Variants in STK32B observed in about 807,000 individuals in gnomAD.
STK32B encodes serine/threonine-protein kinase 32B.
In STK32B, 43 loss-of-function variants were observed where a neutral mutation model predicts 52.6. The ratio of observed to expected loss-of-function variants is 0.82; its 90% CI spans 0.64 to 1.05. STK32B has a LOEUF of 1.05. STK32B is among the 50% of genes least tolerant of loss of function. The pLI, the probability that STK32B is intolerant of heterozygous loss-of-function variation, is 0.00. For missense variants in STK32B, 621 were observed against 534.6 expected (o/e 1.16, Z -1.59); for synonymous variants, 238 against 204.3 (o/e 1.17, Z -1.41).
chr4:5,092,734 C>G (rs1290409769), intron 1 of STK32B, among the ~76,000 whole-genome samples: 1 of 151,966 alleles, frequency 6.6e-6, no homozygotes. Flanking sequence ...CTCGTGAGAA[C>G]TCACTATCCC....
chr4:5,269,962 A>C (rs1242445409), intron 3 of STK32B, among the ~76,000 whole-genome samples: 1 of 152,220 alleles, frequency 6.6e-6, no homozygotes, highest in African/African-American at 2.4e-5. Flanking sequence ...CATTTGATAC[A>C]CAGTCAGTGT....
chr4:5,317,286 C>T (rs1401472050), intron 3 of STK32B, among the ~76,000 whole-genome samples: 4 of 24,996 alleles, frequency 1.6e-4, no homozygotes, highest in Non-Finnish European at 2.4e-4. Flanking sequence ...TAACATATAA[C>T]ATATATATAA....
chr4:5,481,878 A>C (rs1430184382), intron 11 of STK32B, among the ~76,000 whole-genome samples: 3 of 152,166 alleles, frequency 2.0e-5, no homozygotes, highest in South Asian at 4.1e-4. Context: ...CAGGTTTGTC[A>C]AAGATCCGAT....
At chr4:5,195,035 C>A (rs1034479418) in intron 3 of STK32B, among the ~76,000 whole-genome samples, 13 of 152,090 alleles carry the variant, frequency 8.5e-5, no homozygotes, top group African/African-American at 2.9e-4. Context: ...GGACACAGAT[C>A]CAAACCATAT....
intron 3 of STK32B, among the ~76,000 whole-genome samples, chr4:5,179,595 A>T (rs1272293914): frequency 6.6e-6 from 1 of 152,220 alleles, no homozygotes; most frequent in Non-Finnish European, 1.5e-5. Context: ...TAGATGATAG[A>T]TAAATAGATG....
intron 6 of STK32B, among the ~76,000 whole-genome samples, chr4:5,443,480 T>C (rs1437950863): frequency 1.3e-5 from 2 of 152,110 alleles, no homozygotes; most frequent in African/African-American, 4.8e-5. Context: ...CTCCTCTGTA[T>C]TGGTTATTCT....
chr4:5,353,515 A>G (rs762073187), intron 4 of STK32B, among the ~76,000 whole-genome samples: 4 of 151,768 alleles, frequency 2.6e-5, no homozygotes, highest in Non-Finnish European at 5.9e-5. Flanking sequence ...CAAAGGACTA[A>G]TATCCAGAGT....
intron 6 of STK32B, among the ~76,000 whole-genome samples, chr4:5,434,428 A>ATGTG (rs1396376506): frequency 1.5e-5 from 2 of 132,682 alleles, no homozygotes; most frequent in African/African-American, 6.1e-5. Context: ...ATATGTGTGC[A>ATGTG]TGTATGTGTG....
At chr4:5,253,607 C>G (rs527953029) in intron 3 of STK32B, among the ~76,000 whole-genome samples, 1 of 152,008 alleles carries the variant, frequency 6.6e-6, no homozygotes, top group Non-Finnish European at 1.5e-5. Context: ...AACTCCTAAC[C>G]TCAGGTGATC....
rs373450301 is a variant in STK32B, at chr4:5,224,332, G to A, written c.260+55882G>A. On this transcript the variant is annotated intron_variant, in intron 3 of 11. Transcript: ENST00000282908. ...CTCATGGGACCTCCCAATGCACTTA[G>A]CTCCAGCTTGTCAGAACCTGCATAT... Among the ~76,000 whole-genome samples the A allele has an allele frequency of 3.8e-4, 58 of 152,324 alleles. No individual in the cohort carries two copies. In the South Asian group the frequency reaches 0.012, roughly 31 times the overall value.
chr4:5,435,117 T>C (rs1713942101), intron 6 of STK32B, among the ~76,000 whole-genome samples: 1 of 152,200 alleles, frequency 6.6e-6, no homozygotes, highest in African/African-American at 2.4e-5. Flanking sequence ...GCTGTGGACA[T>C]GATGGCAGTT....
chr4:5,415,316 T>C (rs1313179458), intron 5 of STK32B, among the ~76,000 whole-genome samples: 1 of 152,206 alleles, frequency 6.6e-6, no homozygotes, highest in African/African-American at 2.4e-5. Flanking sequence ...TCCCATTTTA[T>C]AGGTGAGGAA....
At chr4:5,072,401 A>G (rs940964698) in intron 1 of STK32B, among the ~76,000 whole-genome samples, 2 of 152,050 alleles carry the variant, frequency 1.3e-5, no homozygotes, top group African/African-American at 4.8e-5. Context: ...CATTCCTTCA[A>G]TTGCTCAGGT....
intron 3 of STK32B, among the ~76,000 whole-genome samples, chr4:5,187,193 CTG>C (rs1304469858): frequency 1.3e-5 from 2 of 152,178 alleles, no homozygotes; most frequent in Non-Finnish European, 2.9e-5. Context: ...GACCTGTGGG[CTG>C]TGTGTGGGGT....
chr4:5,396,018 G>C lies in STK32B; in HGVS notation c.435-2189G>C, dbSNP rs1446333683. 6.6e-6 allele frequency among the ~76,000 whole-genome samples: 1 copy of C among 152,244 alleles called. No individual in the cohort carries two copies. Among genetic ancestry groups the C allele is most frequent in the East Asian group, 1.9e-4 (1 of 5,190 alleles). ...CCATGCTGTCATTAATGGGGCCCTA[G>C]CTGCCCTTTGAGGTTTGCCCTCAAC... On this transcript the variant is annotated intron_variant, in intron 4 of 11. Coordinates refer to ENST00000282908, the MANE Select transcript of STK32B (RefSeq NM_018401.3). This position sits in a 1 kb window ranked among gnomAD's most constrained non-coding sequence, Gnocchi z 4.7.
chr4:5,452,783 T>G (rs1716123469), intron 7 of STK32B, among the ~76,000 whole-genome samples: 1 of 152,146 alleles, frequency 6.6e-6, no homozygotes, highest in African/African-American at 2.4e-5. Flanking sequence ...GGCAAAATTT[T>G]TTTTAGAAAC....
At chr4:5,253,044 T>C (rs914936861) in intron 3 of STK32B, among the ~76,000 whole-genome samples, 19 of 152,300 alleles carry the variant, frequency 1.2e-4, no homozygotes, top group African/African-American at 4.6e-4. Flanking sequence ...CCAAAAGATC[T>C]ATTAAAATAA....
chr4:5,069,698 C>T lies in STK32B; in HGVS notation c.52+17783C>T, dbSNP rs146887696. On this transcript the variant is annotated intron_variant, in intron 1 of 11. Coordinates refer to ENST00000282908, the MANE Select transcript of STK32B (RefSeq NM_018401.3). ...TGTCAGTACTAAATGAGTTAATGTACGTAAAGTGCTTACACAGTCTGGCAG... is the reference window on the plus strand; with the variant it reads ...TGTCAGTACTAAATGAGTTAATGTATGTAAAGTGCTTACACAGTCTGGCAG... Among the ~76,000 whole-genome samples the T allele has an allele frequency of 5.1e-3, 771 of 152,188 alleles. 8 individuals carry two copies. Among genetic ancestry groups the T allele is most frequent in the African/African-American group, 0.018 (738 of 41,518 alleles).
intron 1 of STK32B, among the ~76,000 whole-genome samples, chr4:5,100,500 T>G (rs572972871): frequency 9.1e-6 from 1 of 109,924 alleles, no homozygotes; most frequent in East Asian, 2.9e-4. Flanking sequence ...CCTGCTCTTT[T>G]TCTTTTTCTT....
Sources: allele counts gnomAD v4.1 joint callset (sites outside exome capture counted in the v4.1 genomes callset), GRCh38; gene constraint gnomAD v4.1.1; non-coding constraint Gnocchi (gnomAD v3.1); transcripts MANE v1.5; gene names NCBI Gene and HGNC (gene_info 2026-07-23, HGNC 2026-07-21).